The following STK33 variants were observed in gnomAD, a reference collection of about 807,000 sequenced individuals.
The protein encoded by STK33 is serine/threonine kinase 33.
STK33 carries 52 observed loss-of-function variants against 58.0 expected under a neutral mutation model. That is an observed-to-expected ratio of 0.90 (90% CI 0.72 to 1.13). The LOEUF (loss-of-function observed/expected upper bound fraction) is 1.13. STK33 is among the 50% of genes most tolerant of loss of function. The pLI is 0.00. For missense variants in STK33, 630 were observed against 604.2 expected (o/e 1.04, Z -0.45); for synonymous variants, 215 against 200.1 (o/e 1.07, Z -0.63).
At chr11:8,335,289 C>G in the STK33 span, among the ~76,000 whole-genome samples, 154 of 152,262 alleles carry the variant, frequency 1.0e-3, 1 homozygote, top group African/African-American at 3.5e-3. Context: ...TTAACAGGAT[C>G]GGACAGCACA....
Position 8,571,677 on chromosome 11 carries a change from C to CA in STK33, c.-466+22405dup, listed in dbSNP as rs1957816437. On this transcript the variant is annotated intron_variant, in intron 1 of 15. Coordinates refer to ENST00000687296, the MANE Select transcript of STK33 (RefSeq NM_001352389.2). Reference sequence around the variant, plus strand: ...TGAAACCTTGTTTCTACTAAAAATACAAAAAATTAGCCAGGCGTGGTGGCG... The same window carrying CA: ...TGAAACCTTGTTTCTACTAAAAATACAAAAAAATTAGCCAGGCGTGGTGGCG... 1.1e-4 allele frequency among the ~76,000 whole-genome samples: 16 copies of CA among 151,604 alleles called. 1 individual carries two copies. The South Asian group carries it at 3.3e-3, about 32-fold the overall frequency.
chr11:8,514,774 C>A (rs909495219), intron 1 of STK33, among the ~76,000 whole-genome samples: 2 of 152,170 alleles, frequency 1.3e-5, no homozygotes, highest in African/African-American at 4.8e-5. Flanking sequence ...AACAATGTTT[C>A]AAATATAATG....
the STK33 span, among the ~76,000 whole-genome samples, chr11:8,356,114 T>C: frequency 6.6e-6 from 1 of 152,192 alleles, no homozygotes; most frequent in African/African-American, 2.4e-5. Flanking sequence ...ACTGAGGAAG[T>C]ACATCCTTTC....
rs543559803 is a variant in STK33 at position 8,461,267 on chromosome 11, G to A, written c.558+538C>T. Among the ~76,000 whole-genome samples the A allele has an allele frequency of 1.4e-3, 218 of 152,234 alleles. 2 individuals are homozygous for A. Among genetic ancestry groups the A allele is most frequent in the African/African-American group, 5.1e-3 (213 of 41,530 alleles). Reference sequence around the variant, plus strand: ...CATTAAACTGTCTGGAGGCAGAATGGCAAATAATCCAGGCTTCTGAACAAC... The same window carrying A: ...CATTAAACTGTCTGGAGGCAGAATGACAAATAATCCAGGCTTCTGAACAAC... On this transcript the variant is annotated intron_variant, in intron 8 of 15. Transcript: ENST00000687296.
intron 15 of STK33, among the ~76,000 whole-genome samples, chr11:8,412,683 G>A (rs1940466331): frequency 6.6e-6 from 1 of 152,184 alleles, no homozygotes; most frequent in Non-Finnish European, 1.5e-5. Context: ...ACCCTGAGGT[G>A]AACACAGTCC....
chr11:8,467,889 G>T (rs544891826), intron 6 of STK33, among the ~76,000 whole-genome samples: 1 of 151,806 alleles, frequency 6.6e-6, no homozygotes, highest in East Asian at 1.9e-4. Flanking sequence ...AGGTTGCAGC[G>T]AGCTGAGATC....
intron 1 of STK33, among the ~76,000 whole-genome samples, chr11:8,538,507 T>G (rs995469154): frequency 6.6e-6 from 1 of 152,232 alleles, no homozygotes; most frequent in African/African-American, 2.4e-5. Context: ...TGTCATTGTT[T>G]TCCTATACAG....
chr11:8,429,640 A>G (rs958842401), intron 14 of STK33, among the ~76,000 whole-genome samples: 1 of 152,024 alleles, frequency 6.6e-6, no homozygotes, highest in African/African-American at 2.4e-5. Flanking sequence ...CGACAACCAT[A>G]TCACACACTG....
intron 1 of STK33, among the ~76,000 whole-genome samples, chr11:8,557,907 G>A (rs1435610930): frequency 6.6e-6 from 1 of 152,122 alleles, no homozygotes; most frequent in African/African-American, 2.4e-5. Context: ...AAACATGGAC[G>A]ATTAGCAATG....
At chr11:8,473,917 A>G (rs965642827) in intron 5 of STK33, among the ~76,000 whole-genome samples, 1 of 152,174 alleles carries the variant, frequency 6.6e-6, no homozygotes, top group Non-Finnish European at 1.5e-5. Flanking sequence ...TCATGCCTGT[A>G]ATCCCAGCAC....
At chr11:8,504,878 T>C (rs1951762211) in intron 1 of STK33, among the ~76,000 whole-genome samples, 1 of 152,182 alleles carries the variant, frequency 6.6e-6, no homozygotes, top group South Asian at 2.1e-4. Flanking sequence ...TCAAAATTCA[T>C]CACTTCCTAA....
chr11:8,339,948 C>T, the STK33 span, among the ~76,000 whole-genome samples: 1 of 152,224 alleles, frequency 6.6e-6, no homozygotes, highest in Middle Eastern at 3.2e-3. Context: ...CTTCTCCCTG[C>T]CCCTGGTGAG....
intron 1 of STK33, among the ~76,000 whole-genome samples, chr11:8,486,507 T>G (rs1219250991): frequency 6.6e-6 from 1 of 152,188 alleles, no homozygotes; most frequent in Non-Finnish European, 1.5e-5. Flanking sequence ...CTTAAAATCT[T>G]GAGTCTTGGT....
At chr11:8,348,626 G>T in the STK33 span, among the ~76,000 whole-genome samples, 1 of 152,128 alleles carries the variant, frequency 6.6e-6, no homozygotes, top group Admixed American at 6.6e-5. Flanking sequence ...CTTATGCTGG[G>T]GCTTACAGTA....
chr11:8,498,845 T>G (rs571523199), intron 1 of STK33, among the ~76,000 whole-genome samples: 4 of 152,310 alleles, frequency 2.6e-5, no homozygotes, highest in East Asian at 1.9e-4. Context: ...GATTCCCTAT[T>G]TAATAAATGG....
chr11:8,435,626 A>T, intron 13 of STK33, 47 bp from the exon 14 acceptor site: 1 of 1,165,800 alleles, frequency 8.6e-7, no homozygotes, highest in Non-Finnish European at 1.2e-6. Context: ...AACTACAATT[A>T]ATAGCATACA....
the STK33 span, among the ~76,000 whole-genome samples, chr11:8,342,479 G>A: frequency 6.6e-6 from 1 of 152,222 alleles, no homozygotes; most frequent in East Asian, 1.9e-4. Flanking sequence ...ATTGTTTTAA[G>A]CTACTGTTAG....
chr11:8,342,748 G>T, the STK33 span, among the ~76,000 whole-genome samples: 39 of 152,234 alleles, frequency 2.6e-4, no homozygotes, highest in Non-Finnish European at 8.8e-5. Context: ...AGGTCACACA[G>T]CTAGTAAGCA....
chr11:8,544,581 C>T (rs117466447), intron 1 of STK33, among the ~76,000 whole-genome samples: 8,053 of 151,558 alleles, frequency 0.053, 286 homozygotes, highest in Non-Finnish European at 0.071. Context: ...AATAGAGCCT[C>T]GGATAATTGA....
Sources: gnomAD v4.1 joint callset for allele counts (sites outside exome capture counted in the v4.1 genomes callset) on GRCh38, gnomAD v4.1.1 for gene constraint, MANE v1.5 for transcripts, NCBI Gene and HGNC (gene_info 2026-07-23, HGNC 2026-07-21) for gene names.